The following CEP135 variants were observed in gnomAD, a reference collection of about 807,000 sequenced individuals.
CEP135 encodes the protein centrosomal protein 135, also known as centrosomal protein of 135 kDa.
A neutral mutation model predicts 157.3 loss-of-function variants in CEP135; 142 were observed. That is an observed-to-expected ratio of 0.90 (90% CI 0.79 to 1.04). The LOEUF (loss-of-function observed/expected upper bound fraction) is 1.04, where lower values mean the gene tolerates loss of function less well. Ranked by LOEUF, CEP135 falls within the 50% of genes least tolerant of loss-of-function variation. The pLI is 0.00. For synonymous variants in CEP135, 396 were observed against 439.8 expected (o/e 0.90, Z 1.25); for missense variants, 1,317 against 1,309.2 (o/e 1.01, Z -0.09).
chr4:56,026,201 T>C (rs1217563009), intron 25 of CEP135, among the ~76,000 whole-genome samples: 1 of 151,936 alleles, frequency 6.6e-6, no homozygotes, highest in Non-Finnish European at 1.5e-5. Flanking sequence ...AGAGTGAGAC[T>C]CCATCCAAAA....
At chr4:55,981,892 C>T (rs564311259) in intron 13 of CEP135, among the ~76,000 whole-genome samples, 27 of 152,014 alleles carry the variant, frequency 1.8e-4, no homozygotes, top group Non-Finnish European at 2.8e-4. Flanking sequence ...CCCAGTAAAC[C>T]CATTGTAAAG....
intron 1 of CEP135, among the ~76,000 whole-genome samples, chr4:55,951,796 G>A (rs1379423569): frequency 1.3e-5 from 2 of 152,132 alleles, no homozygotes; most frequent in Non-Finnish European, 2.9e-5. Context: ...GCTTTTAAAA[G>A]AGGCCTCTCT....
intron 17 of CEP135, among the ~76,000 whole-genome samples, chr4:56,000,531 C>T (rs1237114212): frequency 6.6e-5 from 10 of 152,136 alleles, no homozygotes; most frequent in Admixed American, 6.5e-4. Flanking sequence ...TACCAGTCTA[C>T]TCTCTGTCTT....
intron 8 of CEP135, 43 bp from the exon 9 acceptor site, chr4:55,969,017 ATTC>A: frequency 7.1e-7 from 1 of 1,416,542 alleles, no homozygotes; most frequent in Non-Finnish European, 9.7e-7. Context: ...TGACTTAAGT[ATTC>A]TTAGACTTTT....
intron 24 of CEP135, 28 bp downstream of exon 24, chr4:56,020,808 A>G: frequency 6.5e-7 from 1 of 1,544,284 alleles, no homozygotes; most frequent in Non-Finnish European, 8.9e-7. Context: ...TACATTTGAC[A>G]ATGTTTTTAT....
chr4:55,968,542 C>G (rs1728915868), intron 8 of CEP135, among the ~76,000 whole-genome samples: 1 of 152,158 alleles, frequency 6.6e-6, no homozygotes, highest in South Asian at 2.1e-4. Flanking sequence ...TCATCCCTCT[C>G]TTTTTCCACC....
intron 20 of CEP135, 125 bp downstream of exon 20, chr4:56,011,647 T>A (rs1730587971): frequency 6.2e-6 from 6 of 975,320 alleles, no homozygotes; most frequent in Non-Finnish European, 9.2e-6. Context: ...CCTTTTTCTA[T>A]TTTTCCCATA....
chr4:55,975,570 T>A (rs1729176992), intron 11 of CEP135, among the ~76,000 whole-genome samples: 1 of 152,254 alleles, frequency 6.6e-6, no homozygotes, highest in Non-Finnish European at 1.5e-5. Flanking sequence ...TTATTTAAAG[T>A]TGACCATGAT....
rs768238060 is a variant in CEP135, at chr4:55,994,920, A to G, written c.2009+2835A>G. Reference sequence around the variant, plus strand: ...AGGCTGGTCTCAAACACCTGACCTCATGTGATCCATCCGCCTGGGCCTCCC... The same window carrying G: ...AGGCTGGTCTCAAACACCTGACCTCGTGTGATCCATCCGCCTGGGCCTCCC... On this transcript the variant is annotated intron_variant, in intron 15 of 25. Transcript: ENST00000257287. 8.5e-5 allele frequency among the ~76,000 whole-genome samples: 13 copies of G among 152,246 alleles called. No homozygotes were observed. In the East Asian group the frequency reaches 1.9e-3, roughly 23 times the overall value.
At chr4:56,004,867 TA>T (rs1478952652) in intron 17 of CEP135, among the ~76,000 whole-genome samples, 1 of 152,048 alleles carries the variant, frequency 6.6e-6, no homozygotes, top group African/African-American at 2.4e-5. Context: ...CTCAGTCTTT[TA>T]ATTGGAGAAT....
At chr4:55,996,861 T>TA (rs1729986652) in intron 15 of CEP135, among the ~76,000 whole-genome samples, 1 of 152,174 alleles carries the variant, frequency 6.6e-6, no homozygotes, top group Admixed American at 6.5e-5. Flanking sequence ...TTTACTGCAT[T>TA]ATGATGGAAA....
At chr4:56,027,331 T>A (rs1731188457) in intron 25 of CEP135, among the ~76,000 whole-genome samples, 1 of 152,228 alleles carries the variant, frequency 6.6e-6, no homozygotes, top group African/African-American at 2.4e-5. Context: ...TAGTGTAAAT[T>A]AAGCTTTATT....
At chr4:55,961,763 CTAAAAAAAAAA>C (rs1452205344) in intron 6 of CEP135, among the ~76,000 whole-genome samples, 1 of 42,068 alleles carries the variant, frequency 2.4e-5, no homozygotes, top group Admixed American at 4.6e-4. Context: ...AAAACTCTGT[CTAAAAAAAAAA>C]AAAAAAAAAA....
chr4:55,959,175 G>A (rs1728600788), intron 5 of CEP135, among the ~76,000 whole-genome samples: 2 of 152,134 alleles, frequency 1.3e-5, no homozygotes. Flanking sequence ...GAACAATTCA[G>A]GTAATTTGGA....
chr4:55,999,911 A>G (rs544629416), intron 17 of CEP135, among the ~76,000 whole-genome samples: 1 of 152,294 alleles, frequency 6.6e-6, no homozygotes, highest in African/African-American at 2.4e-5. Flanking sequence ...TACTTTTGGC[A>G]GGATGTGGTG....
intron 14 of CEP135, among the ~76,000 whole-genome samples, chr4:55,987,081 G>A (rs966586895): frequency 3.9e-5 from 6 of 152,184 alleles, no homozygotes; most frequent in Admixed American, 1.3e-4. Context: ...CAGTCTTGCC[G>A]TTAAGCTTTG....
chr4:55,985,280 G>T lies in CEP135; in HGVS notation c.1780-1G>T. 1 of 1,525,914 alleles carries T rather than the reference G, an allele frequency of 6.6e-7. No homozygotes were observed. The highest frequency in any genetic ancestry group is 9.1e-7 in the Non-Finnish European group (1 of 1,104,244). The allele number at this position is 1,525,914 out of a possible 1,614,324, so 94.5% of individuals were successfully genotyped here. A position where few individuals can be genotyped will look rare whatever the true frequency, so the allele number is the denominator to read the frequency against. On this transcript the variant is annotated splice_acceptor_variant, in intron 13 of 25. Coordinates refer to ENST00000257287, the MANE Select transcript of CEP135 (RefSeq NM_025009.5). LOFTEE classifies it high-confidence loss of function. Reference sequence around the variant, plus strand: ...ACATTTTCTTTAACATTCTTTTTCAGCATATTGAAGAAGTGAGTCTTTTTG... The same window carrying T: ...ACATTTTCTTTAACATTCTTTTTCATCATATTGAAGAAGTGAGTCTTTTTG...
At chr4:56,019,146 T>C (rs1730883621) in intron 22 of CEP135, among the ~76,000 whole-genome samples, 1 of 152,210 alleles carries the variant, frequency 6.6e-6, no homozygotes, top group African/African-American at 2.4e-5. Context: ...TATAGCCAAA[T>C]AAGCCCATAG....
At chr4:56,029,982 A>G (rs747612650) in intron 25 of CEP135, among the ~76,000 whole-genome samples, 31 of 152,184 alleles carry the variant, frequency 2.0e-4, no homozygotes, top group Non-Finnish European at 4.0e-4. Flanking sequence ...ATTTTCTCCA[A>G]TAATAAATTA....
Sources: allele counts gnomAD v4.1 joint callset (sites outside exome capture counted in the v4.1 genomes callset), GRCh38; gene constraint gnomAD v4.1.1; transcripts MANE v1.5; gene names NCBI Gene and HGNC (gene_info 2026-07-23, HGNC 2026-07-21).